MRPL1: variants seen among roughly 807,000 people sequenced by gnomAD.
MRPL1 encodes large ribosomal subunit protein uL1m.
MRPL1 carries 28 observed loss-of-function variants against 38.0 expected under a neutral mutation model. The ratio of observed to expected loss-of-function variants is 0.74; its 90% CI spans 0.55 to 1.01. The LOEUF (loss-of-function observed/expected upper bound fraction) is 1.01, where lower values mean the gene tolerates loss of function less well. Among genes scored for constraint, MRPL1 ranks in the 50% least tolerant of loss-of-function variants. The pLI, the probability that MRPL1 is intolerant of heterozygous loss-of-function variation, is 0.00. For synonymous variants in MRPL1, 123 were observed against 126.7 expected, an observed-to-expected ratio of 0.97 and a Z score of 0.20; for missense variants, 358 against 389.8, an observed-to-expected ratio of 0.92 and a Z score of 0.69.
chr4:77,935,888 C>T (rs1203583493), intron 7 of MRPL1, among the ~76,000 whole-genome samples: 4 of 149,690 alleles, frequency 2.7e-5, no homozygotes, highest in Non-Finnish European at 3.0e-5. Flanking sequence ...GCCAAGATTG[C>T]GCCACTGCCC....
chr4:77,882,204 C>T (rs2110234509), intron 2 of MRPL1, among the ~76,000 whole-genome samples: 1 of 152,320 alleles, frequency 6.6e-6, no homozygotes, highest in Middle Eastern at 3.4e-3. Context: ...CTGCTCTAGT[C>T]ATGTAGAACT....
At chr4:77,905,323 C>T (rs539802398) in intron 6 of MRPL1, among the ~76,000 whole-genome samples, 16 of 151,616 alleles carry the variant, frequency 1.1e-4, no homozygotes, top group African/African-American at 3.6e-4. Context: ...CTGGTGAAAC[C>T]CTGTTTCTAC....
chr4:77,902,868 T>C (rs2110244973), intron 6 of MRPL1, among the ~76,000 whole-genome samples: 1 of 152,258 alleles, frequency 6.6e-6, no homozygotes, highest in East Asian at 1.9e-4. Flanking sequence ...CATGTATAAG[T>C]TCTCCCATGA....
At chr4:77,925,022 A>G (rs1223607277) in intron 7 of MRPL1, among the ~76,000 whole-genome samples, 1 of 152,164 alleles carries the variant, frequency 6.6e-6, no homozygotes, top group East Asian at 1.9e-4. Flanking sequence ...AAGAACACCC[A>G]TATACTACTC....
rs541536308 is a variant in MRPL1 at position 77,946,916 on chromosome 4, C to T, written c.778-2881C>T. On this transcript the variant is annotated intron_variant, in intron 7 of 8. Coordinates refer to ENST00000315567, the MANE Select transcript of MRPL1 (RefSeq NM_020236.4). ...GTGTGCATTTTTCTGTAGCAAGACT[C>T]AGTGACCTAAAAATGTTTAAGAATC... Among the ~76,000 whole-genome samples the T allele has an allele frequency of 1.4e-4, 21 of 151,624 alleles. No homozygotes were observed. In the South Asian group the frequency reaches 4.4e-3, roughly 32 times the overall value.
At chr4:77,884,114 T>C (rs7687812) in intron 3 of MRPL1, among the ~76,000 whole-genome samples, 33,785 of 151,956 alleles carry the variant, frequency 0.22, 4,703 homozygotes, top group African/African-American at 0.39. Flanking sequence ...TGAAAAGTGA[T>C]TTAAACTGCC....
chr4:77,902,397 A>C (rs1395189670), intron 6 of MRPL1, among the ~76,000 whole-genome samples: 1 of 151,864 alleles, frequency 6.6e-6, no homozygotes, highest in Admixed American at 6.6e-5. Context: ...AAAAAAAAAA[A>C]AAAAAAAACC....
At chr4:77,898,208 A>G (rs2110242566) in intron 6 of MRPL1, among the ~76,000 whole-genome samples, 1 of 152,272 alleles carries the variant, frequency 6.6e-6, no homozygotes, top group South Asian at 2.1e-4. Flanking sequence ...ATCACTAAAT[A>G]TCATTATTAT....
chr4:77,944,554 G>T (rs1203350338), intron 7 of MRPL1, among the ~76,000 whole-genome samples: 1 of 152,106 alleles, frequency 6.6e-6, no homozygotes, highest in Non-Finnish European at 1.5e-5. Context: ...TGTCTAGATT[G>T]TAATCTCAAG....
At position 77,885,429 on chromosome 4, in the gene MRPL1, C is replaced by T. The variant is rs983817746; in HGVS notation, c.486+90C>T. On this transcript the variant is annotated intron_variant, in intron 4 of 8. Coordinates refer to ENST00000315567, the MANE Select transcript of MRPL1 (RefSeq NM_020236.4). ...GTCACCAGTCTGGAGTGCAGTGGGG[C>T]AACCTCGGCTCACTGCAACCTCCGC... The T allele has an allele frequency of 4.3e-6, 4 of 939,442 alleles. No homozygotes were observed. The African/African-American group carries it at 6.7e-5, about 16-fold the overall frequency. The allele number at this position is 939,442 out of a possible 1,614,324, so 58.2% of individuals were successfully genotyped here. A position where few individuals can be genotyped will look rare whatever the true frequency, so the allele number is the denominator to read the frequency against.
chr4:77,952,077 G>A lies in MRPL1; in HGVS notation c.860-412G>A, dbSNP rs567164893. Among the ~76,000 whole-genome samples, 3 of 152,278 alleles carry A rather than the reference G, an allele frequency of 2.0e-5. No homozygotes were observed. The East Asian group carries it at 5.8e-4, about 29-fold the overall frequency. On this transcript the variant is annotated intron_variant, in intron 8 of 8. Transcript: ENST00000315567. ...TTGTTAGTTTGTTTTTGAACTGCACGGTGGCAGAAGGCGCTTCTTACAGTT... is the reference window on the plus strand; with the variant it reads ...TTGTTAGTTTGTTTTTGAACTGCACAGTGGCAGAAGGCGCTTCTTACAGTT...
At chr4:77,868,029 T>G (rs1380091789) in intron 1 of MRPL1, among the ~76,000 whole-genome samples, 1 of 151,868 alleles carries the variant, frequency 6.6e-6, no homozygotes, top group Non-Finnish European at 1.5e-5. Context: ...GTGCTGGGAT[T>G]ACAGACATGA....
At chr4:77,862,957 C>T in intron 1 of MRPL1, 78 bp downstream of exon 1, 2 of 1,570,842 alleles carry the variant, frequency 1.3e-6, no homozygotes, top group Non-Finnish European at 1.7e-6. Flanking sequence ...AAGGCGGATT[C>T]TGCTCTGGGT....
chr4:77,896,963 A>G, intron 6 of MRPL1, among the ~76,000 whole-genome samples: 1 of 152,174 alleles, frequency 6.6e-6, no homozygotes, highest in Non-Finnish European at 1.5e-5. Context: ...TACCCTCTGT[A>G]ATTCTTTCAT....
intron 2 of MRPL1, among the ~76,000 whole-genome samples, chr4:77,872,560 C>T (rs530955630): frequency 2.5e-4 from 38 of 152,120 alleles, no homozygotes; most frequent in Admixed American, 6.6e-4. Context: ...GGTGAAACCC[C>T]GTGTCTACTA....
At chr4:77,912,193 A>T (rs1736305930) in intron 7 of MRPL1, among the ~76,000 whole-genome samples, 1 of 152,182 alleles carries the variant, frequency 6.6e-6, no homozygotes, top group Admixed American at 6.6e-5. Context: ...CAAGACAAGG[A>T]CATCCGTCTC....
chr4:77,949,101 C>T (rs1220436312), intron 7 of MRPL1, among the ~76,000 whole-genome samples: 1 of 152,146 alleles, frequency 6.6e-6, no homozygotes, highest in Non-Finnish European at 1.5e-5. Flanking sequence ...TTATTTGGCA[C>T]AGTGCAAAAT....
chr4:77,910,374 G>C (rs1350661115), intron 7 of MRPL1, among the ~76,000 whole-genome samples: 1 of 152,128 alleles, frequency 6.6e-6, no homozygotes, highest in Non-Finnish European at 1.5e-5. Flanking sequence ...ATTATAGCTA[G>C]TAGTCCAAGC....
intron 7 of MRPL1, among the ~76,000 whole-genome samples, chr4:77,944,186 G>T (rs1438120156): frequency 6.6e-6 from 1 of 152,144 alleles, no homozygotes; most frequent in Non-Finnish European, 1.5e-5. Flanking sequence ...CAGTTACCAG[G>T]CTCCAGGCTG....
Sources: gnomAD v4.1 joint callset for allele counts (sites outside exome capture counted in the v4.1 genomes callset) on GRCh38, gnomAD v4.1.1 for gene constraint, MANE v1.5 for transcripts, NCBI Gene and HGNC (gene_info 2026-07-23, HGNC 2026-07-21) for gene names.